The following USP2 variants were observed in gnomAD, a reference collection of about 807,000 sequenced individuals.
USP2 encodes the protein ubiquitin specific peptidase 2.
Under a neutral mutation model 72.0 loss-of-function variants are expected in USP2, and 33 were observed. That is an observed-to-expected ratio of 0.46 (90% CI 0.35 to 0.61). The LOEUF is 0.61. USP2 is among the 20% of genes least tolerant of loss of function. The pLI is 0.01. For missense variants in USP2, 691 were observed against 797.8 expected (o/e 0.87, Z 1.61); for synonymous variants, 296 against 312.5 (o/e 0.95, Z 0.56).
chr11:119,359,685 G>C, intron 3 of USP2, 25 bp from the exon 4 acceptor site: 1 of 1,610,524 alleles, frequency 6.2e-7, no homozygotes, highest in Non-Finnish European at 8.5e-7. Context: ...CAGGCAATCA[G>C]TGGGGAGACG....
At chr11:119,370,553 C>G (rs1223359678) in intron 2 of USP2, among the ~76,000 whole-genome samples, 1 of 152,062 alleles carries the variant, frequency 6.6e-6, no homozygotes, top group Non-Finnish European at 1.5e-5. Context: ...CCAGGCCGCA[C>G]GAGCAGGGTT....
intron 9 of USP2, 45 bp from the exon 10 acceptor site, chr11:119,357,880 G>A: frequency 6.2e-7 from 1 of 1,613,352 alleles, no homozygotes; most frequent in Non-Finnish European, 8.5e-7. Flanking sequence ...GAAGTCAGTG[G>A]GCCCCAATCC....
intron 2 of USP2, chr11:119,360,515 G>A (rs558037004): frequency 5.6e-5 from 27 of 478,046 alleles, no homozygotes; most frequent in African/African-American, 1.8e-4. Flanking sequence ...CCTCCACCTC[G>A]TGGGTTCAAG....
chr11:119,371,524 C>G (rs1016451792), intron 2 of USP2, among the ~76,000 whole-genome samples: 1 of 152,152 alleles, frequency 6.6e-6, no homozygotes, highest in Non-Finnish European at 1.5e-5. Flanking sequence ...ACAGATGGCA[C>G]AACAAAGCCA....
rs1951056113 is a variant in USP2, at chr11:119,381,346, C to G, written c.-42+127G>C. ...ACACAGCTGGAGCGTCCCTGCACAGCCGGCTCTCTCCCTATATTTCTAGTG... is the reference window on the plus strand; with the variant it reads ...ACACAGCTGGAGCGTCCCTGCACAGGCGGCTCTCTCCCTATATTTCTAGTG... On this transcript the variant is annotated intron_variant, in intron 1 of 12. Coordinates refer to ENST00000260187, the MANE Select transcript of USP2 (RefSeq NM_004205.5). 3.8e-6 allele frequency: 4 copies of G among 1,065,610 alleles called. No homozygotes were observed. In the Admixed American group the frequency reaches 1.0e-4, roughly 27 times the overall value. The allele number at this position is 1,065,610 out of a possible 1,614,324, so 66.0% of individuals were successfully genotyped here. A position where few individuals can be genotyped will look rare whatever the true frequency, so the allele number is the denominator to read the frequency against.
chr11:119,363,820 G>A (rs763755998), intron 2 of USP2: 3 of 1,384,974 alleles, frequency 2.2e-6, no homozygotes, highest in Non-Finnish European at 2.8e-6. Context: ...GGCCCTCGGC[G>A]CGGGGGTCCC....
chr11:119,364,222 G>A, intron 2 of USP2: 1 of 1,108,288 alleles, frequency 9.0e-7, no homozygotes, highest in Non-Finnish European at 1.1e-6. Context: ...GGCCCCGCCG[G>A]CGCCTCGGGC....
chr11:119,368,105 G>C (rs981336979), intron 2 of USP2, among the ~76,000 whole-genome samples: 2 of 152,238 alleles, frequency 1.3e-5, no homozygotes, highest in Non-Finnish European at 2.9e-5. Context: ...GTGTCTTGCT[G>C]ATTCTAGTCA....
intron 1 of USP2, among the ~76,000 whole-genome samples, chr11:119,376,780 T>C (rs1951007416): frequency 6.6e-6 from 1 of 152,276 alleles, no homozygotes; most frequent in Non-Finnish European, 1.5e-5. Flanking sequence ...GCCCCAGGCA[T>C]GTTGAGTACT....
At chr11:119,379,996 G>A (rs1951042370) in intron 1 of USP2, among the ~76,000 whole-genome samples, 1 of 141,926 alleles carries the variant, frequency 7.0e-6, no homozygotes, top group Non-Finnish European at 1.5e-5. Context: ...CTCACTGCAA[G>A]CTCCGCATCC....
Position 119,372,776 on chromosome 11 carries a change from C to T in USP2, c.705G>A (p.Thr235=), listed in dbSNP as rs752095300. The change falls in exon 2 of 13, where the codon ACG becomes ACA. Residue 235 remains threonine, a synonymous_variant. Coordinates refer to ENST00000260187, the MANE Select transcript of USP2 (RefSeq NM_004205.5). ...SPTYRPIGRY[T]LWETGKGQAP... is the part of the protein sequence containing the mutation. ...CCTGACCCTTTCCCGTCTCCCACAG[C>T]GTGTAGCGGCCAATGGGTCGGTAGG... is the stretch of plus-strand genomic sequence containing the variant. The T allele has an allele frequency of 2.1e-5, 33 of 1,582,198 alleles. No homozygotes were observed. The highest frequency in any genetic ancestry group is 2.7e-5 in the African/African-American group (2 of 73,956).
intron 1 of USP2, among the ~76,000 whole-genome samples, chr11:119,378,485 C>T (rs560481885): frequency 6.6e-6 from 1 of 152,194 alleles, no homozygotes; most frequent in Non-Finnish European, 1.5e-5. Context: ...CCTCTTGCCT[C>T]CCCTGGCAGG....
chr11:119,378,040 C>A (rs148874001), intron 1 of USP2, among the ~76,000 whole-genome samples: 1 of 152,064 alleles, frequency 6.6e-6, no homozygotes, highest in Non-Finnish European at 1.5e-5. Flanking sequence ...CTCAGGTGCC[C>A]GGAAAAGGTG....
In USP2 at chr11:119,381,655, C is replaced by G; in HGVS notation, c.-224G>C. ...CCCAGAAGGGACCTCCCCGGGAAAT[C>G]GGCGCCACCCAGCGGGCAGCCGCCT... On this transcript the variant is annotated 5_prime_UTR_variant, in exon 1 of 13. Coordinates refer to ENST00000260187, the MANE Select transcript of USP2 (RefSeq NM_004205.5). 1 of 1,153,730 alleles carries G rather than the reference C, an allele frequency of 8.7e-7. No individual in the cohort carries two copies. Among genetic ancestry groups the G allele is most frequent in the Non-Finnish European group, 1.2e-6 (1 of 806,902 alleles). 71.5% of individuals were successfully genotyped at this position (1,153,730 alleles called of 1,614,324 possible).
At chr11:119,375,759 C>A (rs1367406972) in intron 1 of USP2, among the ~76,000 whole-genome samples, 1 of 152,228 alleles carries the variant, frequency 6.6e-6, no homozygotes, top group Admixed American at 6.5e-5. Context: ...CTCCCTCCCC[C>A]ACAGTAAGGC....
intron 1 of USP2, chr11:119,379,060 C>T: frequency 9.1e-6 from 9 of 985,572 alleles, no homozygotes; most frequent in Non-Finnish European, 1.1e-5. Flanking sequence ...CCCAGCAGGG[C>T]AGGGAATGCA....
chr11:119,357,069 C>T, intron 12 of USP2, 118 bp downstream of exon 12: 1 of 1,340,704 alleles, frequency 7.5e-7, no homozygotes. Flanking sequence ...CTTTGCCATC[C>T]ATTCTCGGTG....
At chr11:119,376,699 G>C (rs374467256) in intron 1 of USP2, among the ~76,000 whole-genome samples, 2 of 152,282 alleles carry the variant, frequency 1.3e-5, no homozygotes, top group Non-Finnish European at 2.9e-5. Flanking sequence ...GAGGCACTGG[G>C]CTTCCTGTCA....
Position 119,357,526 on chromosome 11 carries a change from G to A in USP2, c.1566C>T (p.Pro522=). ...ATTCTCTTAAGTCCAGGTCTCTTAG[G>A]GGGAAGTTCACAAATGTTGTGAGCT... ...TSKLTTFVNF[P]LRDLDLREFA... is the part of the protein sequence containing the mutation. The change falls in exon 11 of 13, where the codon CCC becomes CCT. Residue 522 remains proline, a synonymous_variant. Transcript: ENST00000260187. 6.2e-7 allele frequency: 1 copy of A among 1,614,154 alleles called. No individual in the cohort carries two copies. The highest frequency in any genetic ancestry group is 2.2e-5 in the East Asian group (1 of 44,872).
Sources: gnomAD v4.1 joint callset for allele counts (sites outside exome capture counted in the v4.1 genomes callset) on GRCh38, gnomAD v4.1.1 for gene constraint, MANE v1.5 for transcripts, NCBI Gene and HGNC (gene_info 2026-07-23, HGNC 2026-07-21) for gene names.